Variants in CADM2 observed in about 807,000 individuals in gnomAD.
The protein encoded by CADM2 is immunoglobulin superfamily member 4D.
Under a neutral mutation model 49.8 loss-of-function variants are expected in CADM2, and 12 were observed. That is an observed-to-expected ratio of 0.24 (90% CI 0.15 to 0.39). CADM2 has a LOEUF of 0.39. CADM2 is among the 10% of genes least tolerant of loss of function. The pLI is 1.00. For synonymous variants in CADM2, 214 were observed against 175.4 expected (o/e 1.22, Z -1.74); for missense variants, 378 against 492.3 (o/e 0.77, Z 2.20).
At chr3:85,661,887 A>G (rs1308036324) in intron 1 of CADM2, among the ~76,000 whole-genome samples, 1 of 152,070 alleles carries the variant, frequency 6.6e-6, no homozygotes, top group East Asian at 1.9e-4. Context: ...GAGACAGTAA[A>G]TATAAATACA....
chr3:85,330,531 ACACTGCCCAGT>A (rs1270760646), intron 1 of CADM2, among the ~76,000 whole-genome samples: 1 of 152,154 alleles, frequency 6.6e-6, no homozygotes, highest in East Asian at 1.9e-4. Context: ...ATTCCTTTCT[ACACTGCCCAGT>A]GCATTTTCTA....
intron 1 of CADM2, among the ~76,000 whole-genome samples, chr3:85,515,728 C>A (rs1483107195): frequency 6.6e-6 from 1 of 151,288 alleles, no homozygotes; most frequent in Non-Finnish European, 1.5e-5. Flanking sequence ...CCGCCCACCT[C>A]AGCCTCCCAA....
chr3:85,858,770 T>A (rs761833239), intron 3 of CADM2, among the ~76,000 whole-genome samples: 5 of 152,244 alleles, frequency 3.3e-5, no homozygotes, highest in African/African-American at 4.8e-5. Context: ...TTTGCTGAAT[T>A]CACTTTTAGC....
chr3:85,935,371 A>G (rs1168965130), intron 6 of CADM2, among the ~76,000 whole-genome samples: 2 of 152,048 alleles, frequency 1.3e-5, no homozygotes, highest in Non-Finnish European at 2.9e-5. Flanking sequence ...TATTCCTGTA[A>G]CAATGAAAGT....
chr3:85,988,868 A>C (rs577722457), intron 8 of CADM2, among the ~76,000 whole-genome samples: 3 of 152,306 alleles, frequency 2.0e-5, no homozygotes, highest in African/African-American at 4.8e-5. Context: ...CTGAACAATG[A>C]GTGTTTACAT....
intron 2 of CADM2, among the ~76,000 whole-genome samples, chr3:85,765,943 A>G (rs2069633856): frequency 6.6e-6 from 1 of 152,112 alleles, no homozygotes; most frequent in Admixed American, 6.6e-5. Context: ...GGCAGCATGA[A>G]TGTTGAATAA....
chr3:85,422,012 G>A (rs576258906), intron 1 of CADM2, among the ~76,000 whole-genome samples: 1 of 152,182 alleles, frequency 6.6e-6, no homozygotes, highest in Admixed American at 6.5e-5. Flanking sequence ...ATTCTTTCCC[G>A]AAGGGATTGA....
At chr3:85,997,260 G>A (rs913064548) in intron 8 of CADM2, among the ~76,000 whole-genome samples, 3 of 152,164 alleles carry the variant, frequency 2.0e-5, no homozygotes, top group Non-Finnish European at 4.4e-5. Flanking sequence ...ATTTAAGCCT[G>A]CAGAATAAAA....
At chr3:85,433,131 C>T (rs939282377) in intron 1 of CADM2, among the ~76,000 whole-genome samples, 2 of 77,384 alleles carry the variant, frequency 2.6e-5, no homozygotes, top group African/African-American at 3.6e-5. Flanking sequence ...ACATTTATTT[C>T]TGAGTCCTCT....
In CADM2 at chr3:86,068,587, ATTAT is replaced by A. The variant is rs1739571262; in HGVS notation, c.*1809_*1812del. 1 of 152,004 alleles carries A rather than the reference ATTAT, an allele frequency of 6.6e-6. No homozygotes were observed. The highest frequency in any genetic ancestry group is 1.5e-5 in the Non-Finnish European group (1 of 67,852). 9.4% of individuals were successfully genotyped at this position (152,004 alleles called of 1,614,324 possible). The stretch of plus-strand genomic sequence containing the variant: ...GAAAGACAAGGGTGCTGTATCTTTG[ATTAT>A]TTATCAAAAAAGTATAAATCTTTTA... On this transcript the variant is annotated 3_prime_UTR_variant, in exon 10 of 10. Coordinates refer to ENST00000383699, the MANE Select transcript of CADM2 (RefSeq NM_001167675.2).
chr3:85,333,873 TCCATGTAA>T (rs2045005441), intron 1 of CADM2, among the ~76,000 whole-genome samples: 1 of 151,746 alleles, frequency 6.6e-6, no homozygotes. Context: ...ATTGAGGGAC[TCCATGTAA>T]TTCTGGCCAA....
At chr3:85,236,495 A>T (rs2042410746) in intron 1 of CADM2, among the ~76,000 whole-genome samples, 1 of 152,214 alleles carries the variant, frequency 6.6e-6, no homozygotes, top group South Asian at 2.1e-4. Flanking sequence ...TTTTTAAAGA[A>T]TAGGAAGACT....
chr3:85,176,072 G>C (rs1451823953), intron 1 of CADM2, among the ~76,000 whole-genome samples: 2 of 151,926 alleles, frequency 1.3e-5, no homozygotes, highest in Non-Finnish European at 1.5e-5. Flanking sequence ...TTGATACATG[G>C]AGCATTAGAA....
intron 1 of CADM2, among the ~76,000 whole-genome samples, chr3:85,167,775 C>T (rs929103554): frequency 6.6e-6 from 1 of 152,060 alleles, no homozygotes; most frequent in Non-Finnish European, 1.5e-5. Flanking sequence ...ATGCTAATTG[C>T]AAGGTATGCA....
At chr3:85,954,654 G>A (rs894120213) in intron 7 of CADM2, among the ~76,000 whole-genome samples, 1 of 151,172 alleles carries the variant, frequency 6.6e-6, no homozygotes, top group African/African-American at 2.4e-5. Flanking sequence ...AAGGGGAAAT[G>A]CCTAAGCTAA....
chr3:85,898,738 A>G (rs1040889747), intron 5 of CADM2, among the ~76,000 whole-genome samples: 2 of 151,320 alleles, frequency 1.3e-5, no homozygotes, highest in Admixed American at 6.6e-5. Context: ...GGTTGTTTAT[A>G]GTTTGCAGAT....
At chr3:85,349,090 T>A (rs1260079827) in intron 1 of CADM2, among the ~76,000 whole-genome samples, 1 of 152,158 alleles carries the variant, frequency 6.6e-6, no homozygotes, top group Non-Finnish European at 1.5e-5. Context: ...AAAATCTTTA[T>A]CAAGACATTC....
intron 8 of CADM2, among the ~76,000 whole-genome samples, chr3:85,973,168 T>C (rs1000885832): frequency 1.4e-4 from 22 of 151,864 alleles, no homozygotes; most frequent in African/African-American, 5.3e-4. Context: ...CTATTGCCTA[T>C]CTACTGGTAT....
At chr3:85,882,054 C>T (rs1422858630) in intron 3 of CADM2, among the ~76,000 whole-genome samples, 1 of 152,092 alleles carries the variant, frequency 6.6e-6, no homozygotes, top group Non-Finnish European at 1.5e-5. Flanking sequence ...AGACTGCAAA[C>T]TGGTACTGGC....
Sources: allele counts gnomAD v4.1 joint callset (sites outside exome capture counted in the v4.1 genomes callset), GRCh38; gene constraint gnomAD v4.1.1; transcripts MANE v1.5; gene names NCBI Gene and HGNC (gene_info 2026-07-23, HGNC 2026-07-21).